MTA3: variants seen among roughly 807,000 people sequenced by gnomAD.
MTA3 encodes the protein metastasis associated 1 family member 3.
A neutral mutation model predicts 83.5 loss-of-function variants in MTA3; 34 were observed. The ratio of observed to expected loss-of-function variants is 0.41; its 90% CI spans 0.31 to 0.54. The LOEUF (loss-of-function observed/expected upper bound fraction) is 0.54, where lower values mean the gene tolerates loss of function less well. MTA3 is among the 20% of genes least tolerant of loss of function. The pLI is 0.33. For missense variants in MTA3, 761 were observed against 726.4 expected (o/e 1.05, Z -0.55); for synonymous variants, 303 against 252.7 (o/e 1.20, Z -1.89).
At chr2:42,543,172 C>T (rs773607853) in intron 2 of MTA3, among the ~76,000 whole-genome samples, 2 of 151,892 alleles carry the variant, frequency 1.3e-5, no homozygotes, top group Non-Finnish European at 2.9e-5. Context: ...TGAAAAACAT[C>T]TTAAACAATT....
chr2:42,630,153 T>C (rs1032624965), intron 4 of MTA3, among the ~76,000 whole-genome samples: 2 of 152,204 alleles, frequency 1.3e-5, no homozygotes, highest in Admixed American at 6.5e-5. Flanking sequence ...AACAGTGGGC[T>C]CCCCATACAC....
chr2:42,712,453 G>A, intron 14 of MTA3, among the ~76,000 whole-genome samples: 1 of 152,146 alleles, frequency 6.6e-6, no homozygotes, highest in Admixed American at 6.5e-5. Context: ...CACCACACCG[G>A]TTAATTTATT....
chr2:42,687,261 A>G (rs976023475), intron 9 of MTA3, among the ~76,000 whole-genome samples: 1 of 152,162 alleles, frequency 6.6e-6, no homozygotes, highest in Non-Finnish European at 1.5e-5. Context: ...CTCCATCCCT[A>G]TAGTTTTGCC....
At chr2:42,660,149 C>T (rs368511219) in intron 8 of MTA3, among the ~76,000 whole-genome samples, 1 of 151,676 alleles carries the variant, frequency 6.6e-6, no homozygotes, top group East Asian at 1.9e-4. Context: ...AGTGCAGTGG[C>T]ATGATCTCAG....
intron 9 of MTA3, among the ~76,000 whole-genome samples, chr2:42,693,794 T>G (rs1693127461): frequency 1.3e-5 from 2 of 152,160 alleles, no homozygotes; most frequent in South Asian, 4.1e-4. Flanking sequence ...TCCCTTTACT[T>G]TTCCATCTTT....
At chr2:42,579,230 G>T (rs964439141) in intron 3 of MTA3, 30 bp downstream of exon 3, 6 of 1,486,616 alleles carry the variant, frequency 4.0e-6, no homozygotes, top group African/African-American at 2.8e-5. Flanking sequence ...TTAAAAAAAC[G>T]TTTTAAGTCT....
intron 8 of MTA3, among the ~76,000 whole-genome samples, chr2:42,678,175 G>A (rs1453475622): frequency 6.6e-6 from 1 of 151,926 alleles, no homozygotes; most frequent in Non-Finnish European, 1.5e-5. Flanking sequence ...CTGCAGAAGA[G>A]TGAGAGGAAA....
intron 8 of MTA3, among the ~76,000 whole-genome samples, chr2:42,673,048 T>C (rs1346348508): frequency 6.6e-6 from 1 of 151,880 alleles, no homozygotes; most frequent in Admixed American, 6.6e-5. Flanking sequence ...TGTTTTGCCA[T>C]GTTGACCAGG....
intron 16 of MTA3, among the ~76,000 whole-genome samples, chr2:42,725,769 C>T (rs921023415): frequency 2.0e-5 from 3 of 152,202 alleles, no homozygotes; most frequent in East Asian, 1.9e-4. Flanking sequence ...GTTCCTACCT[C>T]CCTGCTCCAG....
intron 2 of MTA3, among the ~76,000 whole-genome samples, chr2:42,525,826 T>G (rs1380518467): frequency 6.6e-6 from 1 of 151,460 alleles, no homozygotes; most frequent in Admixed American, 6.6e-5. Context: ...CCTGGCTAAT[T>G]TTTTGTATTT....
chr2:42,604,295 G>T lies in MTA3; in HGVS notation c.191-5163G>T, dbSNP rs112649334. ...TGACCTCAGGTGATCCACCCGCCTC[G>T]GCCTCCCAAAGTGCTGGGATTACAG... On this transcript the variant is annotated intron_variant, in intron 3 of 16. Coordinates refer to ENST00000405094, the MANE Select transcript of MTA3 (RefSeq NM_001330442.2). 2.9e-3 allele frequency among the ~76,000 whole-genome samples: 448 copies of T among 152,224 alleles called. 7 individuals are homozygous for T. Among genetic ancestry groups the T allele is most frequent in the African/African-American group, 0.01 (423 of 41,548 alleles).
chr2:42,670,368 C>G (rs1454078124), intron 8 of MTA3, among the ~76,000 whole-genome samples: 2 of 152,106 alleles, frequency 1.3e-5, no homozygotes, highest in Non-Finnish European at 2.9e-5. Flanking sequence ...ACCATCTTTA[C>G]CACATTTGCT....
chr2:42,685,506 G>A (rs906410929), intron 9 of MTA3, among the ~76,000 whole-genome samples: 3 of 152,184 alleles, frequency 2.0e-5, no homozygotes, highest in East Asian at 1.9e-4. Flanking sequence ...TGGCTCCAAC[G>A]TGCTGTCTCT....
intron 2 of MTA3, among the ~76,000 whole-genome samples, chr2:42,557,063 A>G (rs1484410640): frequency 1.3e-5 from 2 of 152,144 alleles, no homozygotes; most frequent in Admixed American, 6.6e-5. Context: ...AAATATATAT[A>G]CCTACTTTGT....
intron 2 of MTA3, among the ~76,000 whole-genome samples, chr2:42,530,470 G>C (rs558091857): frequency 4.1e-4 from 59 of 145,590 alleles, no homozygotes; most frequent in Non-Finnish European, 7.8e-4. Context: ...CTGGGCGACA[G>C]AGCGAGACTC....
intron 4 of MTA3, among the ~76,000 whole-genome samples, chr2:42,639,286 GA>G: frequency 6.6e-6 from 1 of 152,072 alleles, no homozygotes; most frequent in African/African-American, 2.4e-5. Context: ...TTGGCTTTTG[GA>G]GATGTCTTAA....
At chr2:42,584,233 A>G (rs1243067066) in intron 3 of MTA3, among the ~76,000 whole-genome samples, 2 of 152,132 alleles carry the variant, frequency 1.3e-5, no homozygotes, top group African/African-American at 2.4e-5. Context: ...TGTTTCCATC[A>G]CTGTGTATTA....
chr2:42,563,436 T>C (rs1035046773), intron 2 of MTA3, among the ~76,000 whole-genome samples: 2 of 152,210 alleles, frequency 1.3e-5, no homozygotes, highest in African/African-American at 4.8e-5. Context: ...CCCAAAGTGC[T>C]GAGCGTGAGC....
intron 8 of MTA3, among the ~76,000 whole-genome samples, chr2:42,678,974 C>G (rs536725735): frequency 2.0e-5 from 3 of 152,244 alleles, no homozygotes; most frequent in African/African-American, 4.8e-5. Context: ...TTGACCCTCA[C>G]AAGCCTGTGA....
Sources: allele counts gnomAD v4.1 joint callset (sites outside exome capture counted in the v4.1 genomes callset), GRCh38; gene constraint gnomAD v4.1.1; transcripts MANE v1.5; gene names NCBI Gene and HGNC (gene_info 2026-07-23, HGNC 2026-07-21).